The following CLNK variants were observed in gnomAD, a reference collection of about 807,000 sequenced individuals.
CLNK encodes cytokine-dependent hematopoietic cell linker.
Under a neutral mutation model 68.6 loss-of-function variants are expected in CLNK, and 74 were observed. The observed-to-expected ratio is 1.08, with a 90% CI of 0.89 to 1.31. The LOEUF is 1.31. Among genes scored for constraint, CLNK ranks in the 50% most tolerant of loss-of-function variants. The pLI is 0.00. For synonymous variants in CLNK, 198 were observed against 172.2 expected (o/e 1.15, Z -1.17); for missense variants, 553 against 515.3 (o/e 1.07, Z -0.71).
chr4:10,552,533 T>A (rs766682205), intron 8 of CLNK, among the ~76,000 whole-genome samples: 4 of 152,130 alleles, frequency 2.6e-5, no homozygotes, highest in Non-Finnish European at 5.9e-5. Flanking sequence ...CTAAACCCAA[T>A]GCCTCCACCT....
chr4:10,648,186 G>A (rs1416459949), intron 2 of CLNK, among the ~76,000 whole-genome samples: 1 of 152,136 alleles, frequency 6.6e-6, no homozygotes, highest in African/African-American at 2.4e-5. Flanking sequence ...CATATTTATA[G>A]TCCTTTTGAA....
chr4:10,663,704 A>G (rs1017189146), intron 2 of CLNK, among the ~76,000 whole-genome samples: 1 of 152,156 alleles, frequency 6.6e-6, no homozygotes. Context: ...TTCATTGTAA[A>G]AGTGCTTAGT....
At chr4:10,685,504 T>G, upstream of CLNK, among the ~76,000 whole-genome samples, 1 of 152,216 alleles carries the variant, frequency 6.6e-6, no homozygotes, top group East Asian at 1.9e-4. Flanking sequence ...TCGGCCTTAA[T>G]CTTGGTCCAT....
chr4:10,719,282 A>T, the CLNK span, among the ~76,000 whole-genome samples: 147 of 152,276 alleles, frequency 9.7e-4, no homozygotes, highest in Middle Eastern at 3.4e-3. Context: ...ATATAGGCCA[A>T]CTATATGCTT....
intron 8 of CLNK, among the ~76,000 whole-genome samples, chr4:10,552,107 C>T (rs915084514): frequency 6.6e-6 from 1 of 152,146 alleles, no homozygotes; most frequent in African/African-American, 2.4e-5. Flanking sequence ...CTGCCCACCT[C>T]AGCCTCCCAA....
intron 2 of CLNK, among the ~76,000 whole-genome samples, chr4:10,609,822 C>T (rs941002453): frequency 7.9e-5 from 12 of 152,104 alleles, no homozygotes; most frequent in African/African-American, 2.7e-4. Context: ...TATATATCAT[C>T]TGCTTGAACC....
chr4:10,629,971 G>A (rs539043610), intron 2 of CLNK, among the ~76,000 whole-genome samples: 1 of 152,232 alleles, frequency 6.6e-6, no homozygotes, highest in East Asian at 1.9e-4. Flanking sequence ...GGCTTCTGAT[G>A]CTGCCAGTCA....
At chr4:10,669,699 G>C (rs6830367) in intron 1 of CLNK, among the ~76,000 whole-genome samples, 20,097 of 152,116 alleles carry the variant, frequency 0.13, 1,543 homozygotes, top group South Asian at 0.18. Flanking sequence ...TAAAGAACTT[G>C]AACCAAGCTC....
intron 2 of CLNK, among the ~76,000 whole-genome samples, chr4:10,629,484 A>G (rs978305845): frequency 2.0e-5 from 3 of 152,122 alleles, no homozygotes; most frequent in African/African-American, 7.2e-5. Flanking sequence ...TGATATTTAC[A>G]TGTCTTAGGG....
chr4:10,560,205 C>A (rs1369409905), intron 7 of CLNK, among the ~76,000 whole-genome samples: 1 of 152,166 alleles, frequency 6.6e-6, no homozygotes, highest in Non-Finnish European at 1.5e-5. Flanking sequence ...AACATGGAAA[C>A]TGCCCATCTG....
chr4:10,522,242 A>G (rs1718105143), intron 14 of CLNK, among the ~76,000 whole-genome samples: 1 of 122,230 alleles, frequency 8.2e-6, no homozygotes. Flanking sequence ...TGGGCAACAG[A>G]GTGAGACTCT....
intron 2 of CLNK, among the ~76,000 whole-genome samples, chr4:10,631,064 C>T (rs946354699): frequency 6.6e-6 from 1 of 152,148 alleles, no homozygotes; most frequent in South Asian, 2.1e-4. Context: ...ACGGAATCAG[C>T]ATTTCTGGAT....
chr4:10,500,226 C>A (rs1371043974), intron 18 of CLNK, among the ~76,000 whole-genome samples: 1 of 152,182 alleles, frequency 6.6e-6, no homozygotes, highest in Non-Finnish European at 1.5e-5. Flanking sequence ...CCTTCCTTTA[C>A]CCCTTCCTTC....
chr4:10,728,385 AGTGTGT>A, the CLNK span, among the ~76,000 whole-genome samples: 82 of 146,830 alleles, frequency 5.6e-4, 2 homozygotes, highest in Admixed American at 4.4e-3. Context: ...TATTCTAAAG[AGTGTGT>A]GTGTGTGTGT....
the CLNK span, among the ~76,000 whole-genome samples, chr4:10,701,508 C>G: frequency 6.6e-6 from 1 of 152,180 alleles, no homozygotes; most frequent in African/African-American, 2.4e-5. Context: ...CTCAAGGAGC[C>G]TGTTGTGCTG....
At chr4:10,632,412 G>A (rs764727113) in intron 2 of CLNK, among the ~76,000 whole-genome samples, 1 of 152,220 alleles carries the variant, frequency 6.6e-6, no homozygotes, top group Non-Finnish European at 1.5e-5. Flanking sequence ...AGAGGGGGAG[G>A]GACTTCTAAT....
intron 3 of CLNK, among the ~76,000 whole-genome samples, chr4:10,591,866 T>C (rs1056937347): frequency 6.6e-6 from 1 of 152,372 alleles, no homozygotes; most frequent in Admixed American, 6.5e-5. Flanking sequence ...GCATTCCCTA[T>C]TGGTTTCAAG....
chr4:10,716,866 G>C, the CLNK span, among the ~76,000 whole-genome samples: 1 of 151,660 alleles, frequency 6.6e-6, no homozygotes, highest in Admixed American at 6.6e-5. Flanking sequence ...GCTAATTTTT[G>C]TATTTTTAGT....
intron 8 of CLNK, among the ~76,000 whole-genome samples, chr4:10,544,102 C>A (rs1719137242): frequency 6.6e-6 from 1 of 152,182 alleles, no homozygotes; most frequent in East Asian, 1.9e-4. Context: ...ACTTTCCCTG[C>A]AAAACTAGAT....
Sources: allele counts gnomAD v4.1 joint callset (sites outside exome capture counted in the v4.1 genomes callset), GRCh38; gene constraint gnomAD v4.1.1; transcripts MANE v1.5; gene names NCBI Gene and HGNC (gene_info 2026-07-23, HGNC 2026-07-21).